HCN1: variants seen among roughly 807,000 people sequenced by gnomAD.
The protein encoded by HCN1 is hyperpolarization activated cyclic nucleotide gated potassium channel 1, also known as potassium/sodium hyperpolarization-activated cyclic nucleotide-gated channel 1.
A neutral mutation model predicts 78.9 loss-of-function variants in HCN1; 13 were observed. The ratio of observed to expected loss-of-function variants is 0.16; its 90% CI spans 0.11 to 0.26. HCN1 has a LOEUF of 0.26. Among genes scored for constraint, HCN1 ranks in the 10% least tolerant of loss-of-function variants. The pLI, the probability that HCN1 is intolerant of heterozygous loss-of-function variation, is 1.00. For missense variants in HCN1, 810 were observed against 1,154.3 expected, an observed-to-expected ratio of 0.70 and a Z score of 4.32; for synonymous variants, 552 against 455.5, an observed-to-expected ratio of 1.21 and a Z score of -2.70.
At chr5:45,399,216 G>A (rs1739746678) in intron 3 of HCN1, among the ~76,000 whole-genome samples, 1 of 152,132 alleles carries the variant, frequency 6.6e-6, no homozygotes, top group African/African-American at 2.4e-5. Flanking sequence ...ACCAGTCCTG[G>A]TTTGGCCACA....
chr5:45,518,351 T>C (rs1305877815), intron 2 of HCN1, among the ~76,000 whole-genome samples: 1 of 151,938 alleles, frequency 6.6e-6, no homozygotes, highest in Non-Finnish European at 1.5e-5. Flanking sequence ...CATGTCTCCA[T>C]CAGTCTCCCC....
intron 2 of HCN1, among the ~76,000 whole-genome samples, chr5:45,615,845 G>C (rs2696008): frequency 6.6e-6 from 1 of 151,664 alleles, no homozygotes; most frequent in Non-Finnish European, 1.5e-5. Context: ...GATTACAAAC[G>C]AATCTTCTAT....
intron 2 of HCN1, among the ~76,000 whole-genome samples, chr5:45,628,835 T>G (rs1745219573): frequency 6.6e-6 from 1 of 151,858 alleles, no homozygotes; most frequent in Non-Finnish European, 1.5e-5. Context: ...TAGTCGGGCA[T>G]GCTGGTGGGT....
At chr5:45,620,804 G>T (rs939038845) in intron 2 of HCN1, among the ~76,000 whole-genome samples, 1 of 152,058 alleles carries the variant, frequency 6.6e-6, no homozygotes, top group Non-Finnish European at 1.5e-5. Flanking sequence ...CCCTGTATCT[G>T]ACAAGTCTAC....
intron 5 of HCN1, among the ~76,000 whole-genome samples, chr5:45,327,837 C>T (rs1746266433): frequency 4.6e-5 from 7 of 151,544 alleles, no homozygotes; most frequent in Admixed American, 4.0e-4. Flanking sequence ...CTCTGCAAAT[C>T]AAGGAGAGAA....
At chr5:45,499,548 T>C (rs1742145600) in intron 2 of HCN1, among the ~76,000 whole-genome samples, 1 of 152,202 alleles carries the variant, frequency 6.6e-6, no homozygotes, top group Non-Finnish European at 1.5e-5. Flanking sequence ...TCACCCGTCT[T>C]CTGCGTCGCT....
chr5:45,269,097 A>G (rs1348819769), intron 6 of HCN1, among the ~76,000 whole-genome samples: 1 of 152,236 alleles, frequency 6.6e-6, no homozygotes, highest in Non-Finnish European at 1.5e-5. Flanking sequence ...TATTCAGAAA[A>G]TACAAATCTG....
At chr5:45,412,219 A>G (rs1277025546) in intron 3 of HCN1, among the ~76,000 whole-genome samples, 1 of 152,136 alleles carries the variant, frequency 6.6e-6, no homozygotes, top group African/African-American at 2.4e-5. Context: ...AAAATGATTT[A>G]TCTGCTTCAG....
intron 2 of HCN1, among the ~76,000 whole-genome samples, chr5:45,498,635 C>T (rs565952775): frequency 1.4e-4 from 22 of 152,318 alleles, no homozygotes; most frequent in African/African-American, 2.2e-4. Context: ...TGAGGAGCTG[C>T]GTTCCTTTGG....
chr5:45,470,062 T>C (rs764545130), intron 2 of HCN1, among the ~76,000 whole-genome samples: 1 of 152,048 alleles, frequency 6.6e-6, no homozygotes, highest in Non-Finnish European at 1.5e-5. Context: ...AACAGGCTTC[T>C]GAAAAAACTG....
chr5:45,632,475 A>G (rs938364582), intron 2 of HCN1, among the ~76,000 whole-genome samples: 4 of 152,120 alleles, frequency 2.6e-5, no homozygotes, highest in Non-Finnish European at 5.9e-5. Context: ...TTAAAAATTC[A>G]TAGTATTAGC....
intron 2 of HCN1, among the ~76,000 whole-genome samples, chr5:45,610,684 T>C (rs1744815681): frequency 6.6e-6 from 1 of 151,230 alleles, no homozygotes; most frequent in South Asian, 2.1e-4. Context: ...TGTACTTTTG[T>C]ATCCCATAAT....
chr5:45,413,343 A>C (rs1740060038), intron 3 of HCN1, among the ~76,000 whole-genome samples: 1 of 152,088 alleles, frequency 6.6e-6, no homozygotes, highest in Non-Finnish European at 1.5e-5. Context: ...AACACTGTTG[A>C]GATACAGTAT....
chr5:45,325,500 T>A (rs1362825948), intron 5 of HCN1, among the ~76,000 whole-genome samples: 1 of 151,744 alleles, frequency 6.6e-6, no homozygotes, highest in Non-Finnish European at 1.5e-5. Flanking sequence ...AAAGCTACTC[T>A]ATTGATATGA....
rs1293402226 is a variant in HCN1, at chr5:45,262,624, G to A, written c.1970C>T (p.Thr657Ile). 6.2e-7 allele frequency: 1 copy of A among 1,613,842 alleles called. No homozygotes were observed. Among genetic ancestry groups the A allele is most frequent in the Non-Finnish European group, 8.5e-7 (1 of 1,179,996 alleles). The change falls in exon 8 of 8, where the codon ACC becomes ATC. Residue 657 changes from threonine to isoleucine, a missense_variant. By Grantham distance (89) the Thr-to-Ile change is moderately conservative. Around this residue, in one of 6 missense-constraint regions of HCN1, gnomAD observed 398 missense variants for 381.3 expected, o/e 1.04. Coordinates refer to ENST00000303230, the MANE Select transcript of HCN1 (RefSeq NM_021072.4). Reference protein sequence around the residue: ...LNSTSSTTTPTSRMRTQSPPV... With the variant: ...LNSTSSTTTPISRMRTQSPPV... ...TGGAGATTGTGTCCTCATGCGGGAGGTCGGGGTCGTAGTAGACGATGTGGA... is the reference window on the plus strand; with the variant it reads ...TGGAGATTGTGTCCTCATGCGGGAGATCGGGGTCGTAGTAGACGATGTGGA...
At chr5:45,448,836 A>G (rs1740850211) in intron 3 of HCN1, among the ~76,000 whole-genome samples, 1 of 152,140 alleles carries the variant, frequency 6.6e-6, no homozygotes, top group Non-Finnish European at 1.5e-5. Context: ...ATTGTTGGTC[A>G]GGCATGGTGG....
intron 4 of HCN1, among the ~76,000 whole-genome samples, chr5:45,377,138 A>G (rs1297100138): frequency 1.3e-5 from 2 of 152,010 alleles, no homozygotes; most frequent in African/African-American, 4.8e-5. Context: ...CTTGAAATTC[A>G]CAGAATTAAA....
At chr5:45,575,597 A>G (rs944327731) in intron 2 of HCN1, 1 of 152,138 alleles carries the variant, frequency 6.6e-6, no homozygotes, top group African/African-American at 2.4e-5. Context: ...AATAAGCTCA[A>G]TCTACTCTGC....
intron 4 of HCN1, among the ~76,000 whole-genome samples, chr5:45,372,238 T>C (rs1245966077): frequency 2.7e-5 from 2 of 73,740 alleles, no homozygotes; most frequent in East Asian, 1.0e-3. Context: ...ATATATATTA[T>C]ATTTTATATA....
Sources: gnomAD v4.1 joint callset for allele counts (sites outside exome capture counted in the v4.1 genomes callset) on GRCh38, gnomAD v4.1.1 for gene constraint, gnomAD v4.1.1 regional missense constraint, MANE v1.5 for transcripts, NCBI Gene and HGNC (gene_info 2026-07-23, HGNC 2026-07-21) for gene names.